Variants in TYW1B observed in about 807,000 individuals in gnomAD.
The protein encoded by TYW1B is S-adenosyl-L-methionine-dependent tRNA 4-demethylwyosine synthase TYW1B.
Under a neutral mutation model 86.9 loss-of-function variants are expected in TYW1B, and 73 were observed. The ratio of observed to expected loss-of-function variants is 0.84; its 90% confidence interval spans 0.70 to 1.02. The LOEUF (loss-of-function observed/expected upper bound fraction) is 1.02, where lower values mean the gene tolerates loss of function less well. TYW1B is among the 50% of genes least tolerant of loss of function. The pLI is 0.00. For synonymous variants in TYW1B, 248 were observed against 292.8 expected (o/e 0.85, Z 1.56); for missense variants, 637 against 827.4 (o/e 0.77, Z 2.82).
At chr7:72,768,313 T>C (rs1481331771) in intron 7 of TYW1B, among the ~76,000 whole-genome samples, 1 of 152,068 alleles carries the variant, frequency 6.6e-6, no homozygotes, top group Non-Finnish European at 1.5e-5. Flanking sequence ...CAAACAACTC[T>C]GTCCGCCCCC....
At chr7:72,753,982 C>T (rs1037560589) in intron 7 of TYW1B, among the ~76,000 whole-genome samples, 1 of 152,064 alleles carries the variant, frequency 6.6e-6, no homozygotes, top group Non-Finnish European at 1.5e-5. Flanking sequence ...TGGAACGAAA[C>T]CTGAAATATC....
Position 72,632,337 on chromosome 7 carries a change from G to T in TYW1B, c.1507-3340C>A, listed in dbSNP as rs1233368204. On this transcript the variant is annotated intron_variant, in intron 11 of 13. Transcript: ENST00000620995. ...TTATATATATTATATATATATACAC[G>T]TATATATATTATATATATTATATAT... Among the ~76,000 whole-genome samples the T allele has an allele frequency of 1.9e-3, 166 of 88,966 alleles. 8 individuals carry two copies. The highest frequency in any genetic ancestry group is 8.4e-3 in the African/African-American group (158 of 18,766). The allele number at this position is 88,966 out of a possible 152,430, so 58.4% of individuals were successfully genotyped here.
chr7:72,594,379 T>C (rs1331490792), intron 13 of TYW1B, among the ~76,000 whole-genome samples: 3 of 147,360 alleles, frequency 2.0e-5, no homozygotes, highest in Non-Finnish European at 4.5e-5. Flanking sequence ...CTATAAACAA[T>C]GGTACGCCAA....
intron 10 of TYW1B, among the ~76,000 whole-genome samples, chr7:72,709,441 G>T (rs1414165138): frequency 4.0e-5 from 6 of 151,488 alleles, no homozygotes; most frequent in Non-Finnish European, 8.8e-5. Flanking sequence ...GGCCAAGGCG[G>T]GCGGATCACA....
In TYW1B at chr7:72,632,150, G is replaced by A. The variant is rs1244044710; in HGVS notation, c.1507-3153C>T. 5.3e-5 allele frequency among the ~76,000 whole-genome samples: 8 copies of A among 149,624 alleles called. No homozygotes were observed. The East Asian group carries it at 7.8e-4, about 15-fold the overall frequency. The stretch of plus-strand genomic sequence containing the variant: ...CATCACTACAAAAAATACAATAGCC[G>A]GGCATGGCTGAAGCAGGAGGATTGC... On this transcript the variant is annotated intron_variant, in intron 11 of 13. Coordinates refer to ENST00000620995, the MANE Select transcript of TYW1B (RefSeq NM_001145440.3).
chr7:72,618,393 T>G (rs1554437333), intron 12 of TYW1B, among the ~76,000 whole-genome samples: 1 of 151,980 alleles, frequency 6.6e-6, no homozygotes, highest in African/African-American at 2.4e-5. Context: ...ATTTTTGTAT[T>G]TTTAGTAGAG....
At position 72,739,237 on chromosome 7, in the gene TYW1B, C is replaced by T. The variant is rs532694534; in HGVS notation, c.1082+5247G>A. Among the ~76,000 whole-genome samples the T allele has an allele frequency of 1.4e-4, 22 of 152,140 alleles. No homozygotes were observed. The East Asian group carries it at 3.7e-3, about 25-fold the overall frequency. ...ATATGATTATCCATATGATGATAAA[C>T]GTTCACCGAGGTTTAATATACTATT... On this transcript the variant is annotated intron_variant, in intron 8 of 13. Transcript: ENST00000620995.
At chr7:72,718,969 C>T (rs1281522580) in intron 9 of TYW1B, among the ~76,000 whole-genome samples, 15 of 152,100 alleles carry the variant, frequency 9.9e-5, no homozygotes, top group Admixed American at 9.2e-4. Context: ...CCACCCTCTC[C>T]AAGCCCATTC....
chr7:72,576,253 G>A (rs1231438511), intron 13 of TYW1B, among the ~76,000 whole-genome samples: 1 of 152,164 alleles, frequency 6.6e-6, no homozygotes, highest in African/African-American at 2.4e-5. Flanking sequence ...TGGAAAGCCT[G>A]AACAATTTCA....
chr7:72,820,916 C>T (rs1394118777), intron 2 of TYW1B, among the ~76,000 whole-genome samples: 5 of 152,142 alleles, frequency 3.3e-5, no homozygotes, highest in African/African-American at 9.7e-5. Flanking sequence ...GTTACTTATG[C>T]GAAAATATCC....
chr7:72,624,499 TG>T (rs1812294042), intron 12 of TYW1B, among the ~76,000 whole-genome samples: 1 of 152,236 alleles, frequency 6.6e-6, no homozygotes, highest in Non-Finnish European at 1.5e-5. Context: ...TTCTAGAATT[TG>T]TTTTGCTTCT....
rs1281390431 is a variant in TYW1B at position 72,720,000 on chromosome 7, G to A, written c.1193-6202C>T. 3.9e-5 allele frequency among the ~76,000 whole-genome samples: 6 copies of A among 151,972 alleles called. No homozygotes were observed. In the East Asian group the frequency reaches 1.2e-3, roughly 29 times the overall value. ...TCCGTTGAGAACAGAGGGGCAAGGA[G>A]AGAGGATAATCTGCCGACAGACTAT... On this transcript the variant is annotated intron_variant, in intron 9 of 13. Transcript: ENST00000620995.
At chr7:72,605,415 G>A (rs1459341524) in intron 13 of TYW1B, among the ~76,000 whole-genome samples, 3 of 151,298 alleles carry the variant, frequency 2.0e-5, no homozygotes, top group Non-Finnish European at 4.4e-5. Flanking sequence ...GTGCAGTGGC[G>A]CAATCTCGGC....
chr7:72,578,367 G>C (rs542575470), intron 13 of TYW1B, among the ~76,000 whole-genome samples: 44 of 152,168 alleles, frequency 2.9e-4, no homozygotes, highest in African/African-American at 1.0e-3. Flanking sequence ...CGCCTGTCTT[G>C]GCCTCCCAAA....
intron 13 of TYW1B, among the ~76,000 whole-genome samples, chr7:72,594,554 C>T (rs553320415): frequency 2.6e-4 from 39 of 152,140 alleles, no homozygotes; most frequent in Non-Finnish European, 4.7e-4. Context: ...CTGATGGCTT[C>T]ACTTGTGAAT....
intron 2 of TYW1B, among the ~76,000 whole-genome samples, chr7:72,820,155 G>C (rs1788801694): frequency 6.6e-6 from 1 of 152,020 alleles, no homozygotes; most frequent in African/African-American, 2.4e-5. Flanking sequence ...CACACCTGTA[G>C]TCCCAGCTAC....
At position 72,720,872 on chromosome 7, in the gene TYW1B, G is replaced by A. The variant is rs186162045; in HGVS notation, c.1193-7074C>T. On this transcript the variant is annotated intron_variant, in intron 9 of 13. Transcript: ENST00000620995. ...CGTTAACTCGTCATTTACATTAGGT[G>A]TATCTCCTAATGCTATCCCTCCCCC... 9.2e-5 allele frequency among the ~76,000 whole-genome samples: 14 copies of A among 152,050 alleles called. No individual in the cohort carries two copies. The East Asian group carries it at 2.7e-3, about 29-fold the overall frequency.
intron 10 of TYW1B, among the ~76,000 whole-genome samples, chr7:72,703,040 T>TGAGATGGAGTCTCGC (rs1814525168): frequency 7.1e-6 from 1 of 141,510 alleles, no homozygotes; most frequent in African/African-American, 2.6e-5. Flanking sequence ...TTTTTTTTTT[T>TGAGATGGAGTCTCGC]TTGAGATGGA....
At chr7:72,732,437 A>T (rs1450456540) in intron 8 of TYW1B, among the ~76,000 whole-genome samples, 1 of 152,228 alleles carries the variant, frequency 6.6e-6, no homozygotes, top group African/African-American at 2.4e-5. Context: ...ACAATGGAAT[A>T]AAACAAGAAA....
Sources: allele counts gnomAD v4.1 joint callset (sites outside exome capture counted in the v4.1 genomes callset), GRCh38; gene constraint gnomAD v4.1.1; transcripts MANE v1.5; gene names NCBI Gene and HGNC (gene_info 2026-07-23, HGNC 2026-07-21).